TMEM132C: variants seen among roughly 807,000 people sequenced by gnomAD.
TMEM132C encodes transmembrane protein 132C.
A neutral mutation model predicts 61.4 loss-of-function variants in TMEM132C; 29 were observed. The ratio of observed to expected loss-of-function variants is 0.47; its 90% CI spans 0.35 to 0.64. TMEM132C has a LOEUF of 0.64. TMEM132C is among the 30% of genes least tolerant of loss of function. The probability of loss-of-function intolerance (pLI) is 0.00; values close to 1 mark genes in which losing one functional copy is unlikely to be tolerated. For synonymous variants in TMEM132C, 656 were observed against 633.1 expected, an observed-to-expected ratio of 1.04 and a Z score of -0.54; for missense variants, 1,408 against 1,476.9, an observed-to-expected ratio of 0.95 and a Z score of 0.76.
chr12:128,609,766 G>A (rs564002027), intron 3 of TMEM132C, among the ~76,000 whole-genome samples: 1 of 152,130 alleles, frequency 6.6e-6, no homozygotes, highest in Non-Finnish European at 1.5e-5. Context: ...GGGTGTGTTA[G>A]CTTAGCTCAG....
chr12:128,699,017 T>C (rs746845443), intron 8 of TMEM132C, among the ~76,000 whole-genome samples: 173 of 152,114 alleles, frequency 1.1e-3, no homozygotes, highest in Non-Finnish European at 1.9e-3. Flanking sequence ...CTTGTGTTCT[T>C]CTAGGGGGGA....
At chr12:128,276,954 G>A (rs1025540177) in intron 1 of TMEM132C, among the ~76,000 whole-genome samples, 1 of 151,634 alleles carries the variant, frequency 6.6e-6, no homozygotes, top group Non-Finnish European at 1.5e-5. Flanking sequence ...TTGAGTTACA[G>A]CTTAGTGATG....
intron 4 of TMEM132C, among the ~76,000 whole-genome samples, chr12:128,648,729 G>T (rs550000617): frequency 1.3e-5 from 2 of 152,052 alleles, no homozygotes; most frequent in South Asian, 4.2e-4. Context: ...CGTTGGATGA[G>T]TGTGTTTACT....
At chr12:128,704,984 G>A (rs1449696766) in intron 8 of TMEM132C, 106 bp from the exon 9 acceptor site, 1 of 1,283,956 alleles carries the variant, frequency 7.8e-7, no homozygotes, top group East Asian at 2.6e-5. Context: ...TACTGGGTCT[G>A]GATTTGAGGT....
intron 1 of TMEM132C, among the ~76,000 whole-genome samples, chr12:128,285,183 A>G (rs1352392854): frequency 6.6e-6 from 1 of 152,190 alleles, no homozygotes; most frequent in African/African-American, 2.4e-5. Flanking sequence ...CAGGGTGACT[A>G]TGATGAACAA....
chr12:128,419,379 C>T (rs1713580), intron 2 of TMEM132C, among the ~76,000 whole-genome samples: 6 of 152,098 alleles, frequency 3.9e-5, no homozygotes, highest in African/African-American at 1.2e-4. Flanking sequence ...AGGATGAGTG[C>T]GAAGGCTCTG....
chr12:128,405,507 GTCTA>G (rs1280783787), intron 1 of TMEM132C, among the ~76,000 whole-genome samples: 1 of 152,078 alleles, frequency 6.6e-6, no homozygotes, highest in Non-Finnish European at 1.5e-5. Context: ...ATTATTCTGA[GTCTA>G]TCTAAGAGAA....
intron 2 of TMEM132C, among the ~76,000 whole-genome samples, chr12:128,421,585 TC>T (rs1868989925): frequency 6.6e-6 from 1 of 151,194 alleles, no homozygotes; most frequent in East Asian, 2.0e-4. Flanking sequence ...CTTGGCAAGA[TC>T]ATTTTCACAA....
rs186325250 is a variant in TMEM132C, at chr12:128,660,168, G to T, written c.1306-9249G>T. 5.6e-4 allele frequency among the ~76,000 whole-genome samples: 85 copies of T among 152,324 alleles called. 1 individual carries two copies. The highest frequency in any genetic ancestry group is 1.1e-3 in the Non-Finnish European group (74 of 68,026). ...GCTCCACCTCAGAGAAAACACGCTT[G>T]AGAGAGGTGGCAGGTGTGGTGGATA... is the stretch of plus-strand genomic sequence containing the variant. On this transcript the variant is annotated intron_variant, in intron 4 of 8. Transcript: ENST00000435159.
chr12:128,647,011 AC>A (rs1566001599), intron 4 of TMEM132C, among the ~76,000 whole-genome samples: 1 of 150,902 alleles, frequency 6.6e-6, no homozygotes, highest in Non-Finnish European at 1.5e-5. Flanking sequence ...GAGTGTGTTT[AC>A]TGGAGTCCAT....
intron 4 of TMEM132C, among the ~76,000 whole-genome samples, chr12:128,657,038 G>A (rs1214791166): frequency 6.6e-6 from 1 of 152,104 alleles, no homozygotes; most frequent in Non-Finnish European, 1.5e-5. Flanking sequence ...AACCAGACGT[G>A]TGTTTCCTTT....
At chr12:128,657,183 A>T (rs887721108) in intron 4 of TMEM132C, among the ~76,000 whole-genome samples, 12 of 152,080 alleles carry the variant, frequency 7.9e-5, no homozygotes, top group African/African-American at 2.7e-4. Flanking sequence ...CATACTTGTG[A>T]ACTCCCTCAC....
At chr12:128,577,965 G>A (rs1875180427) in intron 3 of TMEM132C, among the ~76,000 whole-genome samples, 1 of 152,214 alleles carries the variant, frequency 6.6e-6, no homozygotes, top group South Asian at 2.1e-4. Context: ...CAGGTCATTA[G>A]TACATACTAT....
intron 8 of TMEM132C, among the ~76,000 whole-genome samples, chr12:128,704,135 CT>C (rs1406920832): frequency 2.0e-5 from 3 of 152,222 alleles, no homozygotes; most frequent in Non-Finnish European, 4.4e-5. Flanking sequence ...GTAGCTTCCC[CT>C]TTTTTTGGAA....
intron 1 of TMEM132C, among the ~76,000 whole-genome samples, chr12:128,373,119 A>G (rs568216561): frequency 4.6e-5 from 7 of 152,292 alleles, no homozygotes; most frequent in African/African-American, 1.7e-4. Context: ...GGAGGAACTC[A>G]GGCAGGGCTC....
rs552459222 is a variant in TMEM132C, at chr12:128,490,578, T to A, written c.975-53379T>A. On this transcript the variant is annotated intron_variant, in intron 2 of 8. Coordinates refer to ENST00000435159, the MANE Select transcript of TMEM132C (RefSeq NM_001136103.3). ...AACTGCCACATTGAATGATATATTT[T>A]ATCATAGCATAAGCTCCTTATAGAG... Among the ~76,000 whole-genome samples, 4 of 152,348 alleles carry A rather than the reference T, an allele frequency of 2.6e-5. No individual in the cohort carries two copies. The East Asian group carries it at 7.7e-4, about 29-fold the overall frequency.
intron 2 of TMEM132C, among the ~76,000 whole-genome samples, chr12:128,420,376 G>T (rs146068980): frequency 6.6e-6 from 1 of 152,138 alleles, no homozygotes; most frequent in Non-Finnish European, 1.5e-5. Flanking sequence ...AGGGAAACAC[G>T]TGCAAAGGTC....
At chr12:128,363,318 C>T (rs898053085) in intron 1 of TMEM132C, among the ~76,000 whole-genome samples, 1 of 152,246 alleles carries the variant, frequency 6.6e-6, no homozygotes, top group Admixed American at 6.5e-5. Flanking sequence ...TCCACTTCAA[C>T]GACTTAACAA....
intron 1 of TMEM132C, among the ~76,000 whole-genome samples, chr12:128,293,498 C>G (rs976807199): frequency 6.6e-6 from 1 of 152,178 alleles, no homozygotes; most frequent in Non-Finnish European, 1.5e-5. Flanking sequence ...CCTCGGGGCA[C>G]TTGAGAATTG....
Sources: allele counts gnomAD v4.1 joint callset (sites outside exome capture counted in the v4.1 genomes callset), GRCh38; gene constraint gnomAD v4.1.1; transcripts MANE v1.5; gene names NCBI Gene and HGNC (gene_info 2026-07-23, HGNC 2026-07-21).